Variants in SRSF11 observed in about 807,000 individuals in gnomAD.
SRSF11 encodes the protein serine and arginine rich splicing factor 11, also known as serine/arginine-rich splicing factor 11.
SRSF11 carries 9 observed loss-of-function variants against 56.0 expected under a neutral mutation model. The observed-to-expected ratio is 0.16, with a 90% confidence interval of 0.10 to 0.28. The LOEUF is 0.28. Among genes scored for constraint, SRSF11 ranks in the 10% least tolerant of loss-of-function variants. The pLI is 1.00. For synonymous variants in SRSF11, 222 were observed against 215.3 expected, an observed-to-expected ratio of 1.03 and a Z score of -0.27; for missense variants, 421 against 600.7, an observed-to-expected ratio of 0.70 and a Z score of 3.13.
At chr1:70,215,439 A>G (rs933722111) in intron 1 of SRSF11, among the ~76,000 whole-genome samples, 1 of 152,214 alleles carries the variant, frequency 6.6e-6, no homozygotes, top group Admixed American at 6.5e-5. Flanking sequence ...AGCAGATTGT[A>G]TGAGGCATTT....
exon 1 of SRSF11, chr1:70,205,776 A>G (rs1668947421): frequency 1.8e-5 from 8 of 449,602 alleles, no homozygotes; most frequent in South Asian, 1.4e-4. Context: ...AATTACTTCA[A>G]TCAAGTAAGT....
At chr1:70,249,904 A>G in intron 9 of SRSF11, 48 bp from the exon 10 acceptor site, 1 of 1,575,728 alleles carries the variant, frequency 6.3e-7, no homozygotes, top group East Asian at 2.2e-5. Context: ...CTGCATTTTT[A>G]AGATCACACT....
chr1:70,247,270 C>G (rs891985394), intron 9 of SRSF11: 1 of 242,724 alleles, frequency 4.1e-6, no homozygotes, highest in Admixed American at 6.4e-5. Flanking sequence ...GAGAATTTTT[C>G]TATCCCTTTT....
Position 70,250,864 on chromosome 1 carries a change from T to C in SRSF11, c.*59T>C, listed in dbSNP as rs1571980281. 4.8e-6 allele frequency: 7 copies of C among 1,456,580 alleles called. No homozygotes were observed. The East Asian group carries it at 1.6e-4, about 33-fold the overall frequency. The allele number at this position is 1,456,580 out of a possible 1,614,324, so 90.2% of individuals were successfully genotyped here. The stretch of plus-strand genomic sequence containing the variant: ...GCATCAGTGTCATTCCTTTGTGTGA[T>C]TTCTTAATGCTGTATTTGTTCATCT... On this transcript the variant is annotated 3_prime_UTR_variant, in exon 12 of 12. Coordinates refer to ENST00000370949, the MANE Select transcript of SRSF11 (RefSeq NM_001350605.2).
intron 8 of SRSF11, among the ~76,000 whole-genome samples, chr1:70,245,813 G>A (rs954878563): frequency 3.3e-5 from 5 of 152,174 alleles, no homozygotes; most frequent in African/African-American, 4.8e-5. Flanking sequence ...ACTTGATCCA[G>A]GAGGCAACTG....
intron 9 of SRSF11, chr1:70,247,169 G>GT (rs1052441520): frequency 2.4e-5 from 23 of 950,300 alleles, no homozygotes; most frequent in East Asian, 1.1e-4. Context: ...TCTCTTTATA[G>GT]TTTAAGTTTT....
intron 6 of SRSF11, among the ~76,000 whole-genome samples, chr1:70,238,546 A>C (rs1674624305): frequency 6.6e-6 from 1 of 152,204 alleles, no homozygotes; most frequent in African/African-American, 2.4e-5. Context: ...GGAATTTCTT[A>C]TGTGTAGTTC....
chr1:70,217,538 C>CT (rs1462274553), upstream of SRSF11, among the ~76,000 whole-genome samples: 1 of 152,152 alleles, frequency 6.6e-6, no homozygotes, highest in African/African-American at 2.4e-5. Context: ...TTTCCCTACT[C>CT]TATTTCCAGC....
At chr1:70,220,152 T>G (rs1670390046), upstream of SRSF11, among the ~76,000 whole-genome samples, 1 of 152,230 alleles carries the variant, frequency 6.6e-6, no homozygotes, top group Non-Finnish European at 1.5e-5. Flanking sequence ...GAGTGATACA[T>G]GTCAATAATA....
chr1:70,209,227 A>G (rs540992762), intron 1 of SRSF11, among the ~76,000 whole-genome samples: 66 of 152,332 alleles, frequency 4.3e-4, no homozygotes, highest in Middle Eastern at 3.4e-3. Context: ...TAAGACATAG[A>G]TGAAAGGTAC....
At position 70,207,550 on chromosome 1, in the gene SRSF11, A is replaced by G. The variant is rs563193704; in HGVS notation, c.-26+1770A>G. On this transcript the variant is annotated intron_variant, in intron 1 of 12. Coordinates refer to the SRSF11 transcript ENST00000370950. ...TTTTTTTAATCCTGTAATCATTGTA[A>G]GAGACACTTCAGTTGTTTTTAAGAA... Among the ~76,000 whole-genome samples, 5 of 152,038 alleles carry G rather than the reference A, an allele frequency of 3.3e-5. No homozygotes were observed. The South Asian group carries it at 1.0e-3, about 32-fold the overall frequency.
intron 6 of SRSF11, 22 bp from the exon 7 acceptor site, chr1:70,239,417 G>T: frequency 6.4e-7 from 1 of 1,551,958 alleles, no homozygotes. Context: ...CTAAATGCAG[G>T]TTCCTTTTCT....
intron 8 of SRSF11, among the ~76,000 whole-genome samples, chr1:70,245,782 G>C (rs1676609817): frequency 1.3e-5 from 2 of 152,186 alleles, no homozygotes; most frequent in African/African-American, 4.8e-5. Context: ...ATCGTGGAAG[G>C]CTTTGTTGTT....
chr1:70,225,501 G>C (rs547583059), intron 1 of SRSF11, among the ~76,000 whole-genome samples: 1 of 152,126 alleles, frequency 6.6e-6, no homozygotes, highest in Non-Finnish European at 1.5e-5. Flanking sequence ...TCTCCACTTA[G>C]CACACTATTA....
intron 1 of SRSF11, among the ~76,000 whole-genome samples, chr1:70,215,766 T>C (rs556030195): frequency 1.3e-5 from 2 of 152,344 alleles, no homozygotes; most frequent in South Asian, 4.1e-4. Flanking sequence ...AGCGGGATTA[T>C]GCATACCTGT....
chr1:70,236,606 A>G (rs943699049), intron 5 of SRSF11, among the ~76,000 whole-genome samples: 2 of 151,498 alleles, frequency 1.3e-5, no homozygotes, highest in African/African-American at 2.4e-5. Flanking sequence ...CTGGGCTTAC[A>G]GGCATGAGCC....
At chr1:70,206,406 T>C (rs906854191) in intron 1 of SRSF11, among the ~76,000 whole-genome samples, 6 of 152,064 alleles carry the variant, frequency 3.9e-5, no homozygotes, top group Admixed American at 2.6e-4. Flanking sequence ...TTGAAATAAG[T>C]GAAGATAAAA....
chr1:70,236,770 C>A, intron 5 of SRSF11, among the ~76,000 whole-genome samples: 1 of 150,572 alleles, frequency 6.6e-6, no homozygotes, highest in East Asian at 1.9e-4. Flanking sequence ...ATGCTCTTCC[C>A]CAAAAAATTA....
chr1:70,230,635 C>A, intron 2 of SRSF11: 1 of 1,264,874 alleles, frequency 7.9e-7, no homozygotes, highest in Non-Finnish European at 1.0e-6. Flanking sequence ...GGCCTCATTG[C>A]TATTTTTAAA....
Sources: allele counts gnomAD v4.1 joint callset (sites outside exome capture counted in the v4.1 genomes callset), GRCh38; gene constraint gnomAD v4.1.1; transcripts MANE v1.5; gene names NCBI Gene and HGNC (gene_info 2026-07-23, HGNC 2026-07-21).